The following PFKFB1 variants were observed in gnomAD, a reference collection of about 807,000 sequenced individuals.
PFKFB1 encodes the protein 6-phosphofructo-2-kinase/fructose-2,6-bisphosphatase 1.
Under a neutral mutation model 46.4 loss-of-function variants are expected in PFKFB1, and 34 were observed. The observed-to-expected ratio is 0.73, with a 90% CI of 0.56 to 0.98. The LOEUF (loss-of-function observed/expected upper bound fraction) is 0.98, where lower values mean the gene tolerates loss of function less well. Ranked by LOEUF, PFKFB1 falls within the 50% of genes least tolerant of loss-of-function variation. The pLI is 0.00. For synonymous variants in PFKFB1, 119 were observed against 133.8 expected (o/e 0.89, Z 0.76); for missense variants, 393 against 376.3 (o/e 1.04, Z -0.37).
intron 10 of PFKFB1, among the ~76,000 whole-genome samples, chrX:54,941,535 C>A (rs1196855872): frequency 9.0e-6 from 1 of 111,502 alleles, no homozygotes; most frequent in Non-Finnish European, 1.9e-5. Context: ...AGAACTGAAA[C>A]AAATTTACAA....
chrX:54,950,194 G>T (rs938155598), intron 8 of PFKFB1, among the ~76,000 whole-genome samples: 1 of 112,488 alleles, frequency 8.9e-6, no homozygotes, highest in Admixed American at 9.4e-5. Flanking sequence ...AGCTATAGGC[G>T]TTTCATACAT....
At position 54,952,026 on chromosome X, in the gene PFKFB1, T is replaced by C; in HGVS notation, c.725A>G (p.Tyr242Cys). Reference sequence around the variant, plus strand: ...TGTGACATGGATATTCATGAGGTAGTAGACTGTGCGGCTCTGGATGTGATC... The same window carrying C: ...TGTGACATGGATATTCATGAGGTAGCAGACTGTGCGGCTCTGGATGTGATC... ...VQDHIQSRTV[Y>C]YLMNIHVTPR... Residue 242 changes from tyrosine (Y) to cysteine (C), a missense_variant, in exon 8 of 14, where the codon TAC becomes TGC. Coordinates refer to ENST00000375006, the MANE Select transcript of PFKFB1 (RefSeq NM_002625.4). 8.3e-7 allele frequency: 1 copy of C among 1,210,791 alleles called. No homozygotes were observed. Among genetic ancestry groups the C allele is most frequent in the Non-Finnish European group, 1.1e-6 (1 of 894,607 alleles).
chrX:54,965,009 C>CA (rs754327804), intron 1 of PFKFB1, among the ~76,000 whole-genome samples: 55 of 110,517 alleles, frequency 5.0e-4, no homozygotes, highest in African/African-American at 1.8e-3. Flanking sequence ...AAAAAAAGAG[C>CA]AAAAAAAGAA....
Position 54,960,897 on chromosome X carries a change from G to C in PFKFB1, c.244C>G (p.Arg82Gly). 1.7e-6 allele frequency: 2 copies of C among 1,184,771 alleles called. No individual in the cohort carries two copies. The highest frequency in any genetic ancestry group is 2.3e-6 in the Non-Finnish European group (2 of 874,430). The change falls in exon 3 of 14, where the codon CGA becomes GGA. Residue 82 changes from arginine (R) to glycine (G), a missense_variant. Physicochemically the swap from Arg to Gly is moderately radical, Grantham distance 125. Transcript: ENST00000375006. ...PTKVFNLGQY[R>G]REAVSYKNYE... ...TTCTTGTAGCTCACTGCCTCTCGTCGATACTGGCCTAAATTAAACACTGAA... is the reference window on the plus strand; with the variant it reads ...TTCTTGTAGCTCACTGCCTCTCGTCCATACTGGCCTAAATTAAACACTGAA...
intron 10 of PFKFB1, among the ~76,000 whole-genome samples, chrX:54,941,147 T>C (rs1489282623): frequency 8.9e-6 from 1 of 112,063 alleles, no homozygotes; most frequent in Non-Finnish European, 1.9e-5. Context: ...GGGGAAAGGC[T>C]TCCCTATTTA....
chrX:54,948,177 C>T (rs1163692946), intron 9 of PFKFB1, among the ~76,000 whole-genome samples: 1 of 111,332 alleles, frequency 9.0e-6, no homozygotes, highest in Middle Eastern at 4.2e-3. Flanking sequence ...CCCACCTAGC[C>T]CTCCCAAAGT....
intron 11 of PFKFB1, among the ~76,000 whole-genome samples, chrX:54,937,259 G>C (rs755640592): frequency 6.7e-4 from 75 of 111,478 alleles, no homozygotes; most frequent in Admixed American, 6.0e-3. Context: ...TGTTAACGTT[G>C]GCTTTGAAAA....
intron 1 of PFKFB1, among the ~76,000 whole-genome samples, chrX:54,986,917 A>G (rs1676414930): frequency 9.0e-6 from 1 of 111,291 alleles, no homozygotes; most frequent in African/African-American, 3.2e-5. Flanking sequence ...CCTAAAGGAA[A>G]CAGAAGAAGG....
At position 54,939,827 on chromosome X, in the gene PFKFB1, G is replaced by C. The variant is rs984105647; in HGVS notation, c.1099-2103C>G. On this transcript the variant is annotated intron_variant, in intron 10 of 13. Transcript: ENST00000375006. The stretch of plus-strand genomic sequence containing the variant: ...TCTACCAGATGTACAAGGAGGAACT[G>C]GTACCATTCCGTCTGAAACTATTCC... Among the ~76,000 whole-genome samples the C allele has an allele frequency of 1.9e-4, 21 of 111,857 alleles. No individual in the cohort carries two copies. The Admixed American group carries it at 1.9e-3, about 10-fold the overall frequency.
chrX:54,939,807 C>T (rs1933550450), intron 10 of PFKFB1, among the ~76,000 whole-genome samples: 1 of 111,894 alleles, frequency 8.9e-6, no homozygotes, highest in Non-Finnish European at 1.9e-5. Context: ...CGAATTCTAC[C>T]AGATGTACAA....
chrX:54,997,149 T>C (rs1043616343), upstream of PFKFB1, among the ~76,000 whole-genome samples: 3 of 112,152 alleles, frequency 2.7e-5, no homozygotes, highest in Admixed American at 9.4e-5. Flanking sequence ...GATGAACTTG[T>C]GGACAACTAA....
intron 1 of PFKFB1, among the ~76,000 whole-genome samples, chrX:54,980,183 C>A (rs1429101137): frequency 9.0e-6 from 1 of 111,404 alleles, no homozygotes; most frequent in Non-Finnish European, 1.9e-5. Context: ...GAGCTGTGCA[C>A]TGATCTCTGA....
chrX:54,947,801 A>G (rs973176568), intron 9 of PFKFB1, among the ~76,000 whole-genome samples: 2 of 111,506 alleles, frequency 1.8e-5, no homozygotes, highest in African/African-American at 6.5e-5. Context: ...CCTTTCTCAA[A>G]GAGCTCATGG....
intron 11 of PFKFB1, among the ~76,000 whole-genome samples, chrX:54,936,503 T>A (rs1933400065): frequency 9.0e-6 from 1 of 111,663 alleles, no homozygotes; most frequent in Admixed American, 9.5e-5. Flanking sequence ...GGGATCAATG[T>A]CTATCCCTCA....
At chrX:54,988,992 T>C (rs1935174813) in intron 1 of PFKFB1, among the ~76,000 whole-genome samples, 1 of 111,951 alleles carries the variant, frequency 8.9e-6, no homozygotes, top group African/African-American at 3.2e-5. Context: ...AGGCCACATA[T>C]TGTATGATTC....
At chrX:54,959,686 AG>A in intron 4 of PFKFB1, 140 bp downstream of exon 4, 2 of 459,520 alleles carry the variant, frequency 4.4e-6, no homozygotes, top group Admixed American at 3.5e-5. Flanking sequence ...ACCTATCTCA[AG>A]GGGGGAGCAT....
Position 54,945,717 on chromosome X carries a change from T to C in PFKFB1, c.994-174A>G, listed in dbSNP as rs370434944. On this transcript the variant is annotated intron_variant, in intron 9 of 13. Transcript: ENST00000375006. The stretch of plus-strand genomic sequence containing the variant: ...GTGTGTATGCGTGTGTGTGTGTGTG[T>C]GTGCGTGTGTGTGTGTGTGTGTGTG... Among the ~76,000 whole-genome samples, 153 of 105,783 alleles carry C rather than the reference T, an allele frequency of 1.4e-3. 1 individual carries two copies. The highest frequency in any genetic ancestry group is 5.4e-3 in the African/African-American group (148 of 27,384). 91.9% of individuals were successfully genotyped at this position (105,783 alleles called of 115,157 possible). A position where few individuals can be genotyped will look rare whatever the true frequency, so the allele number is the denominator to read the frequency against.
At chrX:54,989,793 G>A (rs954654808) in intron 1 of PFKFB1, among the ~76,000 whole-genome samples, 1 of 111,708 alleles carries the variant, frequency 9.0e-6, no homozygotes, top group African/African-American at 3.3e-5. Flanking sequence ...CTGGTCCAAG[G>A]GCTGGCACCA....
intron 9 of PFKFB1, 24 bp downstream of exon 9, chrX:54,949,051 G>A (rs1933884418): frequency 8.3e-7 from 1 of 1,204,668 alleles, no homozygotes; most frequent in East Asian, 3.0e-5. Context: ...CCCACACACA[G>A]GAGATTCACC....
Sources: allele counts gnomAD v4.1 joint callset (sites outside exome capture counted in the v4.1 genomes callset), GRCh38; gene constraint gnomAD v4.1.1; transcripts MANE v1.5; gene names NCBI Gene and HGNC (gene_info 2026-07-23, HGNC 2026-07-21).